Variants in DMD observed in about 807,000 individuals in gnomAD.
DMD encodes mutant dystrophin.
A neutral mutation model predicts 330.1 loss-of-function variants in DMD; 63 were observed. That is an observed-to-expected ratio of 0.19 (90% CI 0.16 to 0.24). DMD has a LOEUF of 0.24. Ranked by LOEUF, DMD falls within the 10% of genes least tolerant of loss-of-function variation. The pLI, the probability that DMD is intolerant of heterozygous loss-of-function variation, is 1.00. For missense variants in DMD, 3,344 were observed against 2,684.1 expected (o/e 1.25, Z -5.43); for synonymous variants, 1,223 against 959.8 (o/e 1.27, Z -5.07).
intron 1 of DMD, among the ~76,000 whole-genome samples, chrX:33,240,013 CA>C (rs768960772): frequency 1.8e-5 from 2 of 110,985 alleles, no homozygotes; most frequent in Non-Finnish European, 3.8e-5. Flanking sequence ...TCTTGGGTCC[CA>C]TGCCCAAGAT....
chrX:33,207,369 T>C (rs768868917), intron 1 of DMD, among the ~76,000 whole-genome samples: 1 of 111,231 alleles, frequency 9.0e-6, no homozygotes, highest in Non-Finnish European at 1.9e-5. Flanking sequence ...CTTTTTATAC[T>C]ATCAAGCCTT....
chrX:33,250,537 C>T (rs2052756713), intron 1 of DMD, among the ~76,000 whole-genome samples: 1 of 110,844 alleles, frequency 9.0e-6, no homozygotes, highest in African/African-American at 3.3e-5. Flanking sequence ...TTAGAAGACA[C>T]ACATATACAA....
intron 45 of DMD, among the ~76,000 whole-genome samples, chrX:31,951,143 G>GTATATATATATA (rs796324072): frequency 1.3e-5 from 1 of 74,338 alleles, no homozygotes; most frequent in African/African-American, 6.2e-5. Context: ...ATATATATGT[G>GTATATATATATA]TATATATATA....
At chrX:33,036,873 C>G (rs1453423238) in intron 1 of DMD, among the ~76,000 whole-genome samples, 2 of 109,818 alleles carry the variant, frequency 1.8e-5, no homozygotes, top group African/African-American at 3.3e-5. Flanking sequence ...AGAATTTAGA[C>G]TTGGGTCTTA....
intron 29 of DMD, among the ~76,000 whole-genome samples, chrX:32,412,631 G>T (rs1243155169): frequency 9.0e-6 from 1 of 111,563 alleles, no homozygotes; most frequent in Non-Finnish European, 1.9e-5. Flanking sequence ...ATACCATGCT[G>T]CACAGATTGG....
chrX:32,447,383 G>A (rs911734037), intron 27 of DMD, among the ~76,000 whole-genome samples: 1 of 110,487 alleles, frequency 9.1e-6, no homozygotes, highest in Non-Finnish European at 1.9e-5. Context: ...GGAGTGAATT[G>A]CATTTAAAAG....
intron 55 of DMD, among the ~76,000 whole-genome samples, chrX:31,528,080 G>A (rs1403289820): frequency 9.0e-6 from 1 of 111,535 alleles, no homozygotes; most frequent in Non-Finnish European, 1.9e-5. Flanking sequence ...TCACAGCAGA[G>A]ATTTCCCATC....
At chrX:31,537,979 C>T (rs1418048784) in intron 55 of DMD, among the ~76,000 whole-genome samples, 3 of 112,296 alleles carry the variant, frequency 2.7e-5, no homozygotes, top group African/African-American at 9.7e-5. Context: ...TCAACAATAT[C>T]TTGACACCAC....
At chrX:32,889,740 T>C (rs780657909) in intron 2 of DMD, among the ~76,000 whole-genome samples, 1 of 110,926 alleles carries the variant, frequency 9.0e-6, no homozygotes, top group Non-Finnish European at 1.9e-5. Flanking sequence ...CTCCACCGCC[T>C]ATCCCAAAAC....
chrX:32,380,768 G>A (rs1432779201), intron 33 of DMD, 88 bp from the exon 34 acceptor site: 1 of 736,782 alleles, frequency 1.4e-6, no homozygotes, highest in Non-Finnish European at 2.0e-6. Context: ...TTATATTTCT[G>A]TTATTTAAAA....
intron 44 of DMD, among the ~76,000 whole-genome samples, chrX:32,086,705 T>C (rs1034138079): frequency 1.8e-5 from 2 of 111,831 alleles, no homozygotes; most frequent in Non-Finnish European, 1.9e-5. Context: ...TAGATGCTAA[T>C]TGACATTCTT....
rs2032618064 is a variant in DMD at position 31,121,806 on chromosome X, A to G, written c.*113T>C. ...TTGTTGTATGAATATTATAAAAACCATGCGGGAATCAGGAGTTGTAAAACA... is the reference window on the plus strand; with the variant it reads ...TTGTTGTATGAATATTATAAAAACCGTGCGGGAATCAGGAGTTGTAAAACA... On this transcript the variant is annotated 3_prime_UTR_variant, in exon 79 of 79. Coordinates refer to ENST00000357033, the MANE Select transcript of DMD (RefSeq NM_004006.3). 1 of 999,872 alleles carries G rather than the reference A, an allele frequency of 1.0e-6. No individual in the cohort carries two copies. The highest frequency in any genetic ancestry group is 2.2e-5 in the Admixed American group (1 of 45,391). 82.4% of individuals were successfully genotyped at this position (999,872 alleles called of 1,213,427 possible).
intron 30 of DMD, among the ~76,000 whole-genome samples, chrX:32,398,768 A>T (rs1490950735): frequency 9.0e-6 from 1 of 111,705 alleles, no homozygotes; most frequent in Non-Finnish European, 1.9e-5. Context: ...ACTGCAGCAG[A>T]CCCAGAATAG....
intron 1 of DMD, among the ~76,000 whole-genome samples, chrX:33,299,675 T>A (rs2053633856): frequency 1.8e-5 from 2 of 112,238 alleles, no homozygotes; most frequent in Admixed American, 1.9e-4. Flanking sequence ...AATAATGGAA[T>A]ATGTTTTTCT....
chrX:32,398,390 C>A (rs748886327), intron 30 of DMD, among the ~76,000 whole-genome samples: 17 of 109,503 alleles, frequency 1.6e-4, no homozygotes, highest in Non-Finnish European at 3.1e-4. Context: ...TTCAGTGTCT[C>A]CCCTACATTG....
At chrX:33,006,910 A>C (rs1158299716) in intron 2 of DMD, among the ~76,000 whole-genome samples, 1 of 110,628 alleles carries the variant, frequency 9.0e-6, no homozygotes, top group Non-Finnish European at 1.9e-5. Context: ...GCTCAAGCTA[A>C]AACTGTTTTT....
chrX:33,056,697 G>A (rs937171802), intron 1 of DMD, among the ~76,000 whole-genome samples: 3 of 111,227 alleles, frequency 2.7e-5, no homozygotes, highest in East Asian at 2.8e-4. Flanking sequence ...TCATTCATTC[G>A]TTCGTTCATT....
At chrX:32,833,645 A>G (rs2079342579) in intron 4 of DMD, among the ~76,000 whole-genome samples, 2 of 105,560 alleles carry the variant, frequency 1.9e-5, no homozygotes, top group Admixed American at 2.1e-4. Flanking sequence ...AAATCAACCC[A>G]TATAGCCCCA....
chrX:32,818,782 C>T (rs978125490), intron 5 of DMD, among the ~76,000 whole-genome samples: 7 of 109,907 alleles, frequency 6.4e-5, no homozygotes, highest in African/African-American at 2.3e-4. Flanking sequence ...GTTGCAGAGT[C>T]CTGCCAGCCA....
Sources: gnomAD v4.1 joint callset for allele counts (sites outside exome capture counted in the v4.1 genomes callset) on GRCh38, gnomAD v4.1.1 for gene constraint, MANE v1.5 for transcripts, NCBI Gene and HGNC (gene_info 2026-07-23, HGNC 2026-07-21) for gene names.